Variants in PCCA observed in about 807,000 individuals in gnomAD.
PCCA encodes the protein propionyl-CoA carboxylase alpha chain, mitochondrial.
A neutral mutation model predicts 101.3 loss-of-function variants in PCCA; 74 were observed. That is an observed-to-expected ratio of 0.73 (90% CI 0.61 to 0.89). The LOEUF (loss-of-function observed/expected upper bound fraction) is 0.89, where lower values mean the gene tolerates loss of function less well. Among genes scored for constraint, PCCA ranks in the 40% least tolerant of loss-of-function variants. The pLI is 0.00. For synonymous variants in PCCA, 294 were observed against 313.6 expected, an observed-to-expected ratio of 0.94 and a Z score of 0.66; for missense variants, 891 against 907.0, an observed-to-expected ratio of 0.98 and a Z score of 0.23.
At chr13:100,308,275 T>A (rs938360288) in intron 15 of PCCA, among the ~76,000 whole-genome samples, 1 of 152,232 alleles carries the variant, frequency 6.6e-6, no homozygotes, top group Non-Finnish European at 1.5e-5. Context: ...CTTTTTAATG[T>A]TATAGTTGCA....
At chr13:100,478,252 G>A (rs1007729684) in intron 21 of PCCA, among the ~76,000 whole-genome samples, 4 of 152,160 alleles carry the variant, frequency 2.6e-5, no homozygotes, top group African/African-American at 9.7e-5. Context: ...TGAATCCTCT[G>A]AGGAGCGGTC....
intron 4 of PCCA, among the ~76,000 whole-genome samples, chr13:100,136,602 A>G (rs1442142710): frequency 6.6e-6 from 1 of 152,098 alleles, no homozygotes; most frequent in Non-Finnish European, 1.5e-5. Flanking sequence ...CAGGTTATCT[A>G]TCTTATTTTG....
At chr13:100,321,591 CTGTGTGTGTGTGTGTGTG>C (rs35931512) in intron 16 of PCCA, among the ~76,000 whole-genome samples, 34 of 132,008 alleles carry the variant, frequency 2.6e-4, no homozygotes, top group East Asian at 6.8e-4. Flanking sequence ...TATAGAAGAT[CTGTGTGTGTGTGTGTGTG>C]TGTGTGTGTG....
intron 20 of PCCA, among the ~76,000 whole-genome samples, chr13:100,439,392 A>C (rs1040279404): frequency 1.3e-5 from 2 of 152,152 alleles, no homozygotes; most frequent in Non-Finnish European, 2.9e-5. Context: ...TGTGGCATAT[A>C]ATTAAAGTGA....
intron 8 of PCCA, among the ~76,000 whole-genome samples, chr13:100,256,265 A>G (rs866937818): frequency 6.6e-6 from 1 of 152,120 alleles, no homozygotes; most frequent in African/African-American, 2.4e-5. Flanking sequence ...TCAGCCTCCC[A>G]AAGTGCTGGG....
chr13:100,214,658 C>G (rs1415953779), intron 7 of PCCA, among the ~76,000 whole-genome samples: 1 of 152,092 alleles, frequency 6.6e-6, no homozygotes, highest in Non-Finnish European at 1.5e-5. Context: ...GATCTCCTGA[C>G]CTTGTGATCC....
chr13:100,333,132 C>T (rs2069899025), intron 17 of PCCA, among the ~76,000 whole-genome samples: 1 of 152,192 alleles, frequency 6.6e-6, no homozygotes, highest in Non-Finnish European at 1.5e-5. Context: ...TTCTTATTTT[C>T]ATATCAGTTC....
chr13:100,274,167 C>T (rs2063488805), intron 12 of PCCA, among the ~76,000 whole-genome samples: 1 of 152,210 alleles, frequency 6.6e-6, no homozygotes, highest in African/African-American at 2.4e-5. Context: ...TCAGAACCTT[C>T]AGTTTTCATA....
chr13:100,457,556 AC>A (rs1489525165), intron 21 of PCCA, among the ~76,000 whole-genome samples: 1 of 152,216 alleles, frequency 6.6e-6, no homozygotes, highest in Non-Finnish European at 1.5e-5. Flanking sequence ...GAGACATGAT[AC>A]CTGCACACAT....
At chr13:100,511,584 A>G (rs1311085111) in intron 21 of PCCA, among the ~76,000 whole-genome samples, 1 of 152,202 alleles carries the variant, frequency 6.6e-6, no homozygotes. Flanking sequence ...AGTTGAGGAC[A>G]TGAAAGAACA....
At chr13:100,489,651 G>A (rs935894865) in intron 21 of PCCA, among the ~76,000 whole-genome samples, 8 of 152,156 alleles carry the variant, frequency 5.3e-5, no homozygotes, top group African/African-American at 1.4e-4. Context: ...TGAAAGTGAC[G>A]GAATGGCCGG....
At chr13:100,148,169 C>T (rs1038916876) in intron 4 of PCCA, among the ~76,000 whole-genome samples, 4 of 152,128 alleles carry the variant, frequency 2.6e-5, no homozygotes, top group African/African-American at 9.7e-5. Flanking sequence ...TCACAGCTCA[C>T]TGCCACCTTA....
intron 21 of PCCA, among the ~76,000 whole-genome samples, chr13:100,488,678 A>G (rs562086695): frequency 6.8e-6 from 1 of 146,796 alleles, no homozygotes; most frequent in East Asian, 2.0e-4. Context: ...GTGGTGGTGC[A>G]TACCTATAAT....
chr13:100,151,428 C>T (rs1405815290), intron 4 of PCCA, among the ~76,000 whole-genome samples: 1 of 152,090 alleles, frequency 6.6e-6, no homozygotes, highest in African/African-American at 2.4e-5. Flanking sequence ...CCTATCTCTA[C>T]TAAAAATACA....
chr13:100,418,675 A>C (rs2078540160), intron 19 of PCCA, among the ~76,000 whole-genome samples: 1 of 152,034 alleles, frequency 6.6e-6, no homozygotes. Flanking sequence ...TCTACTAAAA[A>C]TACAAAATAT....
chr13:100,494,677 C>CAAA (rs11459166), intron 21 of PCCA, among the ~76,000 whole-genome samples: 11,613 of 143,496 alleles, frequency 0.081, 694 homozygotes, highest in African/African-American at 0.16. Context: ...GAGCAAAACT[C>CAAA]AAAAAAAAAA....
At chr13:100,310,896 A>G (rs774305626) in intron 16 of PCCA, among the ~76,000 whole-genome samples, 1 of 152,194 alleles carries the variant, frequency 6.6e-6, no homozygotes, top group Non-Finnish European at 1.5e-5. Flanking sequence ...GACAGAAACC[A>G]GACAAAGCTA....
intron 8 of PCCA, among the ~76,000 whole-genome samples, chr13:100,255,730 T>A (rs1360552720): frequency 6.6e-6 from 1 of 152,228 alleles, no homozygotes; most frequent in African/African-American, 2.4e-5. Flanking sequence ...TGCTTGTTAT[T>A]GTGAATGAGA....
At chr13:100,476,247 T>C (rs2083413127) in intron 21 of PCCA, among the ~76,000 whole-genome samples, 1 of 152,244 alleles carries the variant, frequency 6.6e-6, no homozygotes, top group Non-Finnish European at 1.5e-5. Flanking sequence ...AACCAACTAC[T>C]AATATTTTTT....
Sources: gnomAD v4.1 joint callset for allele counts (sites outside exome capture counted in the v4.1 genomes callset) on GRCh38, gnomAD v4.1.1 for gene constraint, MANE v1.5 for transcripts, NCBI Gene and HGNC (gene_info 2026-07-23, HGNC 2026-07-21) for gene names.